Variants in NFIC observed in about 807,000 individuals in gnomAD.
The protein encoded by NFIC is nuclear factor I C, also known as nuclear factor 1 C-type.
A neutral mutation model predicts 54.4 loss-of-function variants in NFIC; 12 were observed. The ratio of observed to expected loss-of-function variants is 0.22; its 90% CI spans 0.14 to 0.36. The LOEUF is 0.36. Among genes scored for constraint, NFIC ranks in the 10% least tolerant of loss-of-function variants. The pLI is 1.00. For missense variants in NFIC, 575 were observed against 718.2 expected (o/e 0.80, Z 2.28); for synonymous variants, 322 against 319.2 (o/e 1.01, Z -0.09).
In NFIC at chr19:3,467,209, C is replaced by T. The variant is rs1229891911; in HGVS notation, c.*4440C>T. 1 of 115,440 alleles carries T rather than the reference C, an allele frequency of 8.7e-6. No homozygotes were observed. Among genetic ancestry groups the T allele is most frequent in the Non-Finnish European group, 1.8e-5 (1 of 57,096 alleles). 7.2% of individuals were successfully genotyped at this position (115,440 alleles called of 1,614,324 possible). Reference sequence around the variant, plus strand: ...CCTGCTATGGACACCACACCTATGCCAGGCCCCCCCCCCCACCCCAGTCTC... The same window carrying T: ...CCTGCTATGGACACCACACCTATGCTAGGCCCCCCCCCCCACCCCAGTCTC... On this transcript the variant is annotated 3_prime_UTR_variant, in exon 11 of 11. Coordinates refer to ENST00000443272, the MANE Select transcript of NFIC (RefSeq NM_001245002.2).
Position 3,462,951 on chromosome 19 carries a change from C to A in NFIC, c.*182C>A. 1 of 1,440,002 alleles carries A rather than the reference C, an allele frequency of 6.9e-7. No individual in the cohort carries two copies. The highest frequency in any genetic ancestry group is 1.5e-5 in the South Asian group (1 of 65,214). 89.2% of individuals were successfully genotyped at this position (1,440,002 alleles called of 1,614,324 possible). A position where few individuals can be genotyped will look rare whatever the true frequency, so the allele number is the denominator to read the frequency against. The stretch of plus-strand genomic sequence containing the variant: ...ACACACTCAGGAGGAAAAGAAAAAA[C>A]AAAGGCAGAAGAAGAAGAAGAAGAA... On this transcript the variant is annotated 3_prime_UTR_variant, in exon 11 of 11. Transcript: ENST00000443272.
At chr19:3,404,450 T>A (rs2081610734) in intron 2 of NFIC, among the ~76,000 whole-genome samples, 1 of 152,100 alleles carries the variant, frequency 6.6e-6, no homozygotes, top group South Asian at 2.1e-4. Flanking sequence ...TGGGTGGCCG[T>A]GCGCGGGTGG....
At chr19:3,439,545 G>A (rs533858794) in intron 6 of NFIC, among the ~76,000 whole-genome samples, 28 of 150,850 alleles carry the variant, frequency 1.9e-4, no homozygotes, top group Middle Eastern at 6.8e-3. Flanking sequence ...GGGAGGCTGA[G>A]GCAGGAGAAT....
intron 3 of NFIC, among the ~76,000 whole-genome samples, chr19:3,425,545 C>T (rs1460856346): frequency 1.3e-5 from 2 of 151,866 alleles, no homozygotes; most frequent in South Asian, 2.1e-4. Flanking sequence ...CTGCAAGCTC[C>T]GCTTCCCGGG....
At chr19:3,442,033 C>T (rs1164992069) in intron 6 of NFIC, among the ~76,000 whole-genome samples, 3 of 152,244 alleles carry the variant, frequency 2.0e-5, no homozygotes, top group Non-Finnish European at 4.4e-5. Context: ...AGCCAGTCCC[C>T]AACCCTGAGG....
In NFIC at chr19:3,459,625, C is replaced by G. The variant is rs541157387; in HGVS notation, c.1509+2990C>G. 1.9e-4 allele frequency among the ~76,000 whole-genome samples: 29 copies of G among 152,300 alleles called. No homozygotes were observed. The East Asian group carries it at 5.6e-3, about 29-fold the overall frequency. On this transcript the variant is annotated intron_variant, in intron 10 of 10. Coordinates refer to ENST00000443272, the MANE Select transcript of NFIC (RefSeq NM_001245002.2). This position sits in a 1 kb window ranked among gnomAD's most constrained non-coding sequence, Gnocchi z 4.2. ...GTTGAGGGTGCCCCCACCCCACCCCCGCCCCATTGCTGGGGCCACAGCCAG... is the reference window on the plus strand; with the variant it reads ...GTTGAGGGTGCCCCCACCCCACCCCGGCCCCATTGCTGGGGCCACAGCCAG...
intron 3 of NFIC, among the ~76,000 whole-genome samples, chr19:3,427,829 A>AAG (rs1555753795): frequency 0.021 from 3,121 of 145,712 alleles, 103 homozygotes; most frequent in African/African-American, 0.075. Flanking sequence ...AAAAAAAAAA[A>AAG]AAGAAGAAGA....
intron 3 of NFIC, among the ~76,000 whole-genome samples, chr19:3,426,445 A>C (rs1262038806): frequency 6.6e-6 from 1 of 152,024 alleles, no homozygotes; most frequent in Non-Finnish European, 1.5e-5. Flanking sequence ...GAAGTGGGAA[A>C]ATTAACCTCA....
rs765218990 is a variant in NFIC, at chr19:3,381,783, G to T, written c.102G>T (p.Leu34=). Residue 34 remains leucine, a synonymous_variant, in exon 2 of 11, where the codon CTG becomes CTT. Coordinates refer to ENST00000443272, the MANE Select transcript of NFIC (RefSeq NM_001245002.2). ...VRAFAYTWFN[L]QARKRKYFKK... ...CCTTCGCCTACACCTGGTTCAACCT[G>T]CAGGCGCGGAAGCGCAAGTACTTCA... is the stretch of plus-strand genomic sequence containing the variant. 1.9e-6 allele frequency: 3 copies of T among 1,613,950 alleles called. No individual in the cohort carries two copies. The South Asian group carries it at 3.3e-5, about 18-fold the overall frequency.
At chr19:3,414,284 T>G (rs1248126074) in intron 2 of NFIC, among the ~76,000 whole-genome samples, 1 of 152,102 alleles carries the variant, frequency 6.6e-6, no homozygotes, top group East Asian at 1.9e-4. Context: ...TTTTTTCTTT[T>G]GTTTACGACC....
intron 2 of NFIC, among the ~76,000 whole-genome samples, chr19:3,385,033 C>T (rs926315186): frequency 6.7e-6 from 1 of 150,312 alleles, no homozygotes; most frequent in African/African-American, 2.5e-5. Context: ...CCCTGCCCCT[C>T]CCGCCTCTGC....
intron 2 of NFIC, among the ~76,000 whole-genome samples, chr19:3,409,250 G>A (rs1234264662): frequency 6.6e-6 from 1 of 152,040 alleles, no homozygotes; most frequent in Non-Finnish European, 1.5e-5. Context: ...CGTGGACCTT[G>A]CCCTTGTCAC....
rs1460698490 is a variant in NFIC at position 3,465,658 on chromosome 19, G to T, written c.*2889G>T. On this transcript the variant is annotated 3_prime_UTR_variant, in exon 11 of 11. Transcript: ENST00000443272. ...CCTTGCCCAGAGGACAGACCTCCGG[G>T]GCCCATCTTGGCCCTGGGAAAGGGC... 1 of 152,094 alleles carries T rather than the reference G, an allele frequency of 6.6e-6. No individual in the cohort carries two copies. Among genetic ancestry groups the T allele is most frequent in the Non-Finnish European group, 1.5e-5 (1 of 68,026 alleles). 9.4% of individuals were successfully genotyped at this position (152,094 alleles called of 1,614,324 possible). A position where few individuals can be genotyped will look rare whatever the true frequency, so the allele number is the denominator to read the frequency against.
chr19:3,377,980 C>T (rs1417124853), intron 1 of NFIC, among the ~76,000 whole-genome samples: 1 of 151,938 alleles, frequency 6.6e-6, no homozygotes, highest in African/African-American at 2.4e-5. Context: ...CACAGTGGCT[C>T]ACACCTGTAA....
At chr19:3,365,171 T>G (rs1008820932), upstream of NFIC, among the ~76,000 whole-genome samples, 1 of 152,206 alleles carries the variant, frequency 6.6e-6, no homozygotes, top group African/African-American at 2.4e-5. Flanking sequence ...TCTCCTGTAA[T>G]GCCTGAGGAT....
At chr19:3,377,717 T>A (rs2081132880) in intron 1 of NFIC, among the ~76,000 whole-genome samples, 1 of 152,056 alleles carries the variant, frequency 6.6e-6, no homozygotes, top group African/African-American at 2.4e-5. Context: ...GCTCAAGTGA[T>A]CCTCCCACCT....
intron 6 of NFIC, among the ~76,000 whole-genome samples, chr19:3,445,747 C>G (rs373035176): frequency 6.6e-6 from 1 of 152,164 alleles, no homozygotes; most frequent in East Asian, 1.9e-4. Context: ...GTGGTAACCC[C>G]GTTCAGGGAA....
chr19:3,463,269 C>CG lies in NFIC; in HGVS notation c.*503dup. ...GACACCCAGCAAGGCCACCTCTCCC[C>CG]GGGCCCCCGCGCCTCTGCCGGACAC... On this transcript the variant is annotated 3_prime_UTR_variant, in exon 11 of 11. Transcript: ENST00000443272. 1 of 990,228 alleles carries CG rather than the reference C, an allele frequency of 1.0e-6. No homozygotes were observed. The highest frequency in any genetic ancestry group is 1.2e-6 in the Non-Finnish European group (1 of 833,536). The allele number at this position is 990,228 out of a possible 1,614,324, so 61.3% of individuals were successfully genotyped here.
intron 3 of NFIC, among the ~76,000 whole-genome samples, chr19:3,429,893 A>G (rs2082094534): frequency 6.6e-6 from 1 of 152,176 alleles, no homozygotes; most frequent in Non-Finnish European, 1.5e-5. Flanking sequence ...CATCATCCCC[A>G]TCGGAGAAGC....
Sources: allele counts gnomAD v4.1 joint callset (sites outside exome capture counted in the v4.1 genomes callset), GRCh38; gene constraint gnomAD v4.1.1; non-coding constraint Gnocchi (gnomAD v3.1); transcripts MANE v1.5; gene names NCBI Gene and HGNC (gene_info 2026-07-23, HGNC 2026-07-21).